The following SPECC1 variants were observed in gnomAD, a reference collection of about 807,000 sequenced individuals.
SPECC1 encodes the protein cytospin-B.
In SPECC1, 62 loss-of-function variants were observed where a neutral mutation model predicts 104.1. The ratio of observed to expected loss-of-function variants is 0.60; its 90% CI spans 0.49 to 0.74. The LOEUF is 0.74. Among genes scored for constraint, SPECC1 ranks in the 30% least tolerant of loss-of-function variants. The pLI is 0.00. For missense variants in SPECC1, 1,306 were observed against 1,310.5 expected (o/e 1.00, Z 0.05); for synonymous variants, 513 against 501.6 (o/e 1.02, Z -0.30).
intron 12 of SPECC1, among the ~76,000 whole-genome samples, chr17:20,287,423 C>CAAACAAAAAAA (rs2040993056): frequency 1.0e-5 from 1 of 98,044 alleles, no homozygotes; most frequent in Non-Finnish European, 2.0e-5. Flanking sequence ...GACTCCGTCT[C>CAAACAAAAAAA]AAAAAAAAAA....
intron 4 of SPECC1, among the ~76,000 whole-genome samples, chr17:20,222,104 C>T (rs983182974): frequency 1.3e-5 from 2 of 150,456 alleles, no homozygotes; most frequent in Non-Finnish European, 2.9e-5. Context: ...GAGGCCGAGG[C>T]GGGCACATCA....
chr17:20,113,056 A>G (rs1429745992), intron 3 of SPECC1: 1 of 749,024 alleles, frequency 1.3e-6, no homozygotes, highest in East Asian at 2.4e-5. Context: ...TTCTTTCTCC[A>G]CCCGCTCAGT....
chr17:20,079,471 T>C (rs1433717794), intron 1 of SPECC1, among the ~76,000 whole-genome samples: 1 of 152,102 alleles, frequency 6.6e-6, no homozygotes, highest in Admixed American at 6.6e-5. Flanking sequence ...GGCTAATTTA[T>C]TTATTTGTAG....
intron 3 of SPECC1, among the ~76,000 whole-genome samples, chr17:20,192,469 C>G (rs1224472842): frequency 6.6e-6 from 1 of 152,012 alleles, no homozygotes; most frequent in Non-Finnish European, 1.5e-5. Context: ...GCCCTGCAAC[C>G]CTCTCCTAGT....
rs148995358 is a variant in SPECC1 at position 20,184,351 on chromosome 17, G to A, written c.284-19982G>A. On this transcript the variant is annotated intron_variant, in intron 3 of 14. Coordinates refer to ENST00000395527, the MANE Select transcript of SPECC1 (RefSeq NM_001243439.2). Reference sequence around the variant, plus strand: ...TAGTGCCTATGCTGTGATCCCAAACGAAAGGCTAAGCATGTTTGTGTCAAC... The same window carrying A: ...TAGTGCCTATGCTGTGATCCCAAACAAAAGGCTAAGCATGTTTGTGTCAAC... Among the ~76,000 whole-genome samples the A allele has an allele frequency of 6.8e-3, 1,030 of 152,202 alleles. 11 individuals carry two copies. The highest frequency in any genetic ancestry group is 0.024 in the African/African-American group (981 of 41,498).
At chr17:20,235,570 A>T (rs1287946690) in intron 7 of SPECC1, among the ~76,000 whole-genome samples, 1 of 152,180 alleles carries the variant, frequency 6.6e-6, no homozygotes, top group Non-Finnish European at 1.5e-5. Context: ...CTAATGAAAG[A>T]CATGGTTCGT....
At chr17:20,108,081 T>C (rs2048321038) in intron 2 of SPECC1, among the ~76,000 whole-genome samples, 1 of 152,238 alleles carries the variant, frequency 6.6e-6, no homozygotes, top group South Asian at 2.1e-4. Context: ...GTAGACTTTA[T>C]TTGTGATGGT....
Position 20,239,878 on chromosome 17 carries a change from GTTTTTTTTTTTTT to G in SPECC1, c.2352-6028_2352-6016del, listed in dbSNP as rs60216339. On this transcript the variant is annotated intron_variant, in intron 7 of 14. Transcript: ENST00000395527. ...AGCACTTTAATTTGCATTTCGCTGA[GTTTTTTTTTTTTT>G]TTTTTTTTTTTTTTTTTTTAAAGAC... Among the ~76,000 whole-genome samples the G allele has an allele frequency of 1.6e-4, 6 of 36,946 alleles. No homozygotes were observed. In the South Asian group the frequency reaches 8.1e-3, roughly 50 times the overall value. 24.2% of individuals were successfully genotyped at this position (36,946 alleles called of 152,430 possible). A position where few individuals can be genotyped will look rare whatever the true frequency, so the allele number is the denominator to read the frequency against.
At chr17:20,179,159 A>G (rs1032219042) in intron 3 of SPECC1, among the ~76,000 whole-genome samples, 6 of 152,372 alleles carry the variant, frequency 3.9e-5, no homozygotes, top group South Asian at 2.1e-4. Context: ...AGGGCTAGAG[A>G]GAGATGTCTG....
chr17:20,260,581 G>A (rs763227805), intron 12 of SPECC1, among the ~76,000 whole-genome samples: 2 of 152,234 alleles, frequency 1.3e-5, no homozygotes, highest in Non-Finnish European at 2.9e-5. Flanking sequence ...TCTTTGGTCA[G>A]AGTGTTACTG....
At chr17:20,219,838 C>G (rs2037747061) in intron 4 of SPECC1, among the ~76,000 whole-genome samples, 1 of 152,002 alleles carries the variant, frequency 6.6e-6, no homozygotes, top group East Asian at 1.9e-4. Flanking sequence ...AGTCTTTAAT[C>G]CTTTTGATAT....
At chr17:20,061,134 C>T (rs763481671) in intron 1 of SPECC1, among the ~76,000 whole-genome samples, 6 of 152,182 alleles carry the variant, frequency 3.9e-5, no homozygotes, top group African/African-American at 9.7e-5. Flanking sequence ...AGCAGTGGCG[C>T]GATCTCGGCT....
At chr17:20,188,728 C>T (rs1362186033) in intron 3 of SPECC1, among the ~76,000 whole-genome samples, 1 of 152,100 alleles carries the variant, frequency 6.6e-6, no homozygotes, top group Non-Finnish European at 1.5e-5. Flanking sequence ...GCTTACAAAA[C>T]CAAAGTGCTA....
At chr17:20,308,488 C>T (rs538385527) in intron 14 of SPECC1, among the ~76,000 whole-genome samples, 3 of 151,612 alleles carry the variant, frequency 2.0e-5, no homozygotes, top group East Asian at 3.9e-4. Flanking sequence ...ATCTTACCAC[C>T]ATGAACAGTG....
intron 1 of SPECC1, among the ~76,000 whole-genome samples, chr17:20,057,271 C>T (rs749345884): frequency 3.9e-5 from 6 of 152,112 alleles, no homozygotes; most frequent in Non-Finnish European, 7.3e-5. Flanking sequence ...GAAACCCCAT[C>T]TCTACTAAAA....
intron 12 of SPECC1, among the ~76,000 whole-genome samples, chr17:20,276,223 C>T (rs933566014): frequency 6.6e-6 from 1 of 152,088 alleles, no homozygotes; most frequent in Non-Finnish European, 1.5e-5. Context: ...CTCAAGCAAT[C>T]CTCTTTTCTT....
intron 1 of SPECC1, among the ~76,000 whole-genome samples, chr17:20,082,492 G>A (rs2047012846): frequency 6.6e-6 from 1 of 152,108 alleles, no homozygotes; most frequent in Non-Finnish European, 1.5e-5. Flanking sequence ...AGCTACTGAA[G>A]AGGCTGAGGT....
chr17:20,198,660 T>C (rs1322539958), intron 3 of SPECC1, among the ~76,000 whole-genome samples: 7 of 152,168 alleles, frequency 4.6e-5, no homozygotes, highest in Non-Finnish European at 1.0e-4. Flanking sequence ...ACCCCCTAAA[T>C]CTTAGAAGGG....
At chr17:20,227,909 A>G (rs2038326319) in intron 5 of SPECC1, among the ~76,000 whole-genome samples, 2 of 152,028 alleles carry the variant, frequency 1.3e-5, no homozygotes, top group Non-Finnish European at 2.9e-5. Flanking sequence ...CAAGCCCAGG[A>G]GAAATGTGGA....
Sources: gnomAD v4.1 joint callset for allele counts (sites outside exome capture counted in the v4.1 genomes callset) on GRCh38, gnomAD v4.1.1 for gene constraint, MANE v1.5 for transcripts, NCBI Gene and HGNC (gene_info 2026-07-23, HGNC 2026-07-21) for gene names.